Variants in LHFPL3 observed in about 807,000 individuals in gnomAD.
The protein encoded by LHFPL3 is LHFPL tetraspan subfamily member 3 protein.
LHFPL3 carries 5 observed loss-of-function variants against 19.3 expected under a neutral mutation model. The observed-to-expected ratio is 0.26, with a 90% confidence interval of 0.14 to 0.54. The LOEUF is 0.54. Among genes scored for constraint, LHFPL3 ranks in the 20% least tolerant of loss-of-function variants. The pLI is 0.94. For synonymous variants in LHFPL3, 133 were observed against 126.2 expected (o/e 1.05, Z -0.36); for missense variants, 249 against 307.4 (o/e 0.81, Z 1.42).
rs886495283 is a variant in LHFPL3, at chr7:104,417,298, T to A, written c.445+88074T>A. Among the ~76,000 whole-genome samples, 5 of 152,234 alleles carry A rather than the reference T, an allele frequency of 3.3e-5. No individual in the cohort carries two copies. The East Asian group carries it at 9.6e-4, about 29-fold the overall frequency. ...TCTTCAACTGCATATTCACAGATTT[T>A]TTTTCAAAAGCGTTATCTCAGTTTA... On this transcript the variant is annotated intron_variant, in intron 1 of 2. Coordinates refer to ENST00000424859, the MANE Select transcript of LHFPL3 (RefSeq NM_199000.3).
intron 2 of LHFPL3, among the ~76,000 whole-genome samples, chr7:104,789,494 T>C (rs917500216): frequency 9.9e-5 from 15 of 152,174 alleles, no homozygotes; most frequent in Non-Finnish European, 5.9e-5. Flanking sequence ...GGAAAGCCAC[T>C]ATGCAGAAAA....
chr7:104,714,516 G>T (rs1455205594), intron 1 of LHFPL3, among the ~76,000 whole-genome samples: 1 of 144,750 alleles, frequency 6.9e-6, no homozygotes, highest in African/African-American at 2.5e-5. Flanking sequence ...ACAAGTCTGG[G>T]TTTTTTTTTT....
intron 1 of LHFPL3, among the ~76,000 whole-genome samples, chr7:104,414,930 A>G (rs1198985537): frequency 6.6e-6 from 1 of 152,202 alleles, no homozygotes; most frequent in African/African-American, 2.4e-5. Flanking sequence ...TTTGGATTTA[A>G]TGGTAGTTAG....
rs566498226 is a variant in LHFPL3, at chr7:104,530,084, T to C, written c.445+200860T>C. Reference sequence around the variant, plus strand: ...CCTTGGTACAACTTCTGTTGGAATGTTAAAAATAGTGTGATGTTTGAGTGA... The same window carrying C: ...CCTTGGTACAACTTCTGTTGGAATGCTAAAAATAGTGTGATGTTTGAGTGA... On this transcript the variant is annotated intron_variant, in intron 1 of 2. Coordinates refer to ENST00000424859, the MANE Select transcript of LHFPL3 (RefSeq NM_199000.3). Among the ~76,000 whole-genome samples the C allele has an allele frequency of 2.6e-5, 4 of 152,324 alleles. No homozygotes were observed. In the South Asian group the frequency reaches 8.3e-4, roughly 32 times the overall value.
At chr7:104,609,358 A>G (rs926109741) in intron 1 of LHFPL3, among the ~76,000 whole-genome samples, 9 of 152,206 alleles carry the variant, frequency 5.9e-5, no homozygotes, top group African/African-American at 2.2e-4. Flanking sequence ...CATTTATAAT[A>G]TTAATGTAAG....
chr7:104,522,960 C>A (rs769277073), intron 1 of LHFPL3, among the ~76,000 whole-genome samples: 16 of 132,364 alleles, frequency 1.2e-4, no homozygotes, highest in African/African-American at 3.7e-4. Flanking sequence ...CTGTCTCTCT[C>A]TCTATATATA....
At chr7:104,436,277 A>G (rs1322302893) in intron 1 of LHFPL3, among the ~76,000 whole-genome samples, 1 of 152,188 alleles carries the variant, frequency 6.6e-6, no homozygotes, top group Admixed American at 6.5e-5. Flanking sequence ...TTATTGGACA[A>G]TTGGTCTAGG....
At chr7:104,573,215 C>G (rs1045599405) in intron 1 of LHFPL3, among the ~76,000 whole-genome samples, 1 of 152,052 alleles carries the variant, frequency 6.6e-6, no homozygotes, top group Non-Finnish European at 1.5e-5. Context: ...GAGTGCAAGA[C>G]CAGCCTGGCC....
At chr7:104,796,877 G>C (rs542626296) in intron 2 of LHFPL3, 4 of 152,702 alleles carry the variant, frequency 2.6e-5, no homozygotes, top group African/African-American at 9.6e-5. Flanking sequence ...GTCTCCTGTT[G>C]GTCAGAAAGT....
chr7:104,472,318 T>A (rs1049617037), intron 1 of LHFPL3, among the ~76,000 whole-genome samples: 2 of 152,158 alleles, frequency 1.3e-5, no homozygotes, highest in Non-Finnish European at 1.5e-5. Flanking sequence ...GAAGCTGCAT[T>A]TTTAGGAATC....
chr7:104,616,088 A>T (rs1475154488), intron 1 of LHFPL3, among the ~76,000 whole-genome samples: 3 of 152,190 alleles, frequency 2.0e-5, no homozygotes, highest in Non-Finnish European at 4.4e-5. Flanking sequence ...ATTCAATGCT[A>T]TCCCCATCAA....
intron 2 of LHFPL3, among the ~76,000 whole-genome samples, chr7:104,774,577 T>A (rs1251353419): frequency 6.6e-6 from 1 of 152,230 alleles, no homozygotes. Context: ...AAACACAGCC[T>A]TTAGCTTTTC....
chr7:104,778,044 A>G (rs1794660607), intron 2 of LHFPL3, among the ~76,000 whole-genome samples: 1 of 152,344 alleles, frequency 6.6e-6, no homozygotes, highest in Non-Finnish European at 1.5e-5. Context: ...ATCTGGGCTC[A>G]GCATCCTGGA....
chr7:104,906,329 T>C lies in LHFPL3; in HGVS notation c.*114T>C. The stretch of plus-strand genomic sequence containing the variant: ...AATACGCCTGAGAGAGATCAGAGTA[T>C]ATAGATGAATATGAACAAGAATGGA... On this transcript the variant is annotated 3_prime_UTR_variant, in exon 3 of 3. Coordinates refer to ENST00000424859, the MANE Select transcript of LHFPL3 (RefSeq NM_199000.3). 1.7e-6 allele frequency: 2 copies of C among 1,185,606 alleles called. No homozygotes were observed. The highest frequency in any genetic ancestry group is 2.4e-6 in the Non-Finnish European group (2 of 827,226). The allele number at this position is 1,185,606 out of a possible 1,614,324, so 73.4% of individuals were successfully genotyped here.
chr7:104,836,804 A>C (rs1791105357), intron 2 of LHFPL3, among the ~76,000 whole-genome samples: 1 of 152,100 alleles, frequency 6.6e-6, no homozygotes, highest in Admixed American at 6.6e-5. Flanking sequence ...AGAATATTTG[A>C]CTATTTTGGT....
chr7:104,770,407 G>A (rs186360278), intron 2 of LHFPL3, among the ~76,000 whole-genome samples: 72 of 152,266 alleles, frequency 4.7e-4, no homozygotes, highest in African/African-American at 1.6e-3. Context: ...GCCTGCTCAT[G>A]GTCTCAATAA....
At chr7:104,802,879 C>G (rs886160597) in intron 2 of LHFPL3, 1 of 152,138 alleles carries the variant, frequency 6.6e-6, no homozygotes, top group Admixed American at 6.5e-5. Flanking sequence ...TCCTCTCGGT[C>G]TTCTCTTTTT....
chr7:104,681,577 G>A (rs1320013080), intron 1 of LHFPL3, among the ~76,000 whole-genome samples: 1 of 151,712 alleles, frequency 6.6e-6, no homozygotes, highest in East Asian at 1.9e-4. Flanking sequence ...AGCCGAGATT[G>A]TGCCACTGCA....
chr7:104,775,602 T>C (rs1375149477), intron 2 of LHFPL3, among the ~76,000 whole-genome samples: 1 of 152,140 alleles, frequency 6.6e-6, no homozygotes, highest in African/African-American at 2.4e-5. Context: ...ATGGAAATCA[T>C]TTGTAGGAGC....
Sources: allele counts gnomAD v4.1 joint callset (sites outside exome capture counted in the v4.1 genomes callset), GRCh38; gene constraint gnomAD v4.1.1; transcripts MANE v1.5; gene names NCBI Gene and HGNC (gene_info 2026-07-23, HGNC 2026-07-21).